The following MTF2 variants were observed in gnomAD, a reference collection of about 807,000 sequenced individuals.
The protein encoded by MTF2 is metal response element binding transcription factor 2.
A neutral mutation model predicts 79.5 loss-of-function variants in MTF2; 11 were observed. The observed-to-expected ratio is 0.14, with a 90% confidence interval of 0.09 to 0.23. The LOEUF (loss-of-function observed/expected upper bound fraction) is 0.23, where lower values mean the gene tolerates loss of function less well. MTF2 is among the 10% of genes least tolerant of loss of function. MTF2 has a pLI of 1.00. For synonymous variants in MTF2, 208 were observed against 232.8 expected, an observed-to-expected ratio of 0.89 and a Z score of 0.97; for missense variants, 486 against 711.2, an observed-to-expected ratio of 0.68 and a Z score of 3.60.
intron 1 of MTF2, among the ~76,000 whole-genome samples, chr1:93,101,534 G>A (rs1256325202): frequency 1.0e-4 from 10 of 97,204 alleles, no homozygotes; most frequent in African/African-American, 3.3e-4. Flanking sequence ...AAAATTTTCT[G>A]TAGGAATGTG....
chr1:93,095,281 TC>T (rs1406733257), intron 1 of MTF2, among the ~76,000 whole-genome samples: 8 of 152,306 alleles, frequency 5.3e-5, no homozygotes, highest in African/African-American at 1.9e-4. Context: ...CCTCAAGTGA[TC>T]CTCACCTGGC....
chr1:93,091,920 T>G lies in MTF2; in HGVS notation c.5+12389T>G, dbSNP rs576906803. ...GAGAAAACTATATATAAAGTATTTC[T>G]TAACATATTAAAATCTCCAAGAAGT... On this transcript the variant is annotated intron_variant, in intron 1 of 14. Transcript: ENST00000370298. Among the ~76,000 whole-genome samples, 35 of 152,322 alleles carry G rather than the reference T, an allele frequency of 2.3e-4. No homozygotes were observed. The East Asian group carries it at 6.2e-3, about 27-fold the overall frequency.
intron 1 of MTF2, among the ~76,000 whole-genome samples, chr1:93,090,138 G>A (rs1020974427): frequency 3.3e-5 from 5 of 152,046 alleles, no homozygotes; most frequent in Admixed American, 1.3e-4. Context: ...CATCACGCCC[G>A]GCTAATTTTT....
intron 1 of MTF2, among the ~76,000 whole-genome samples, chr1:93,100,344 G>A (rs765197720): frequency 5.9e-5 from 9 of 151,876 alleles, no homozygotes; most frequent in South Asian, 2.1e-4. Flanking sequence ...TCACTCTGTC[G>A]CCCAGGCTGG....
intron 11 of MTF2, among the ~76,000 whole-genome samples, chr1:93,133,302 G>T (rs1347129110): frequency 6.6e-6 from 1 of 152,026 alleles, no homozygotes; most frequent in Non-Finnish European, 1.5e-5. Flanking sequence ...GTCATTTTTA[G>T]TAGTAAATCC....
At chr1:93,113,003 A>G (rs533842189) in intron 3 of MTF2, among the ~76,000 whole-genome samples, 2 of 152,242 alleles carry the variant, frequency 1.3e-5, no homozygotes, top group South Asian at 4.1e-4. Context: ...TTTCACAGAG[A>G]GTTCCCAGGC....
chr1:93,116,305 A>G (rs540637564), intron 6 of MTF2, among the ~76,000 whole-genome samples: 3 of 151,770 alleles, frequency 2.0e-5, no homozygotes, highest in South Asian at 2.1e-4. Flanking sequence ...TACAGGCCTG[A>G]GCCATGCTGG....
At chr1:93,114,629 G>A (rs1184468429) in intron 3 of MTF2, 59 bp from the exon 4 acceptor site, 1 of 1,291,194 alleles carries the variant, frequency 7.7e-7, no homozygotes, top group Non-Finnish European at 1.1e-6. Context: ...TCATAAAAGT[G>A]GTTTTGTTTT....
intron 1 of MTF2, among the ~76,000 whole-genome samples, chr1:93,087,751 G>T (rs539468499): frequency 6.6e-6 from 1 of 152,226 alleles, no homozygotes; most frequent in South Asian, 2.1e-4. Context: ...CAAATATCTA[G>T]AATAACTTTG....
At chr1:93,121,716 A>G (rs1656487715) in intron 9 of MTF2, 6 of 947,602 alleles carry the variant, frequency 6.3e-6, no homozygotes, top group Non-Finnish European at 6.3e-6. Context: ...TTATCATACA[A>G]ATTTTTGTTA....
intron 3 of MTF2, among the ~76,000 whole-genome samples, chr1:93,113,211 C>T (rs1026591169): frequency 3.7e-5 from 5 of 135,570 alleles, no homozygotes; most frequent in African/African-American, 1.4e-4. Context: ...GAGATCCTGT[C>T]GCTACAAAAA....
At chr1:93,092,161 CTTA>C (rs1387686911) in intron 1 of MTF2, among the ~76,000 whole-genome samples, 6 of 151,992 alleles carry the variant, frequency 3.9e-5, no homozygotes, top group East Asian at 1.9e-4. Flanking sequence ...CTTAGAGCTC[CTTA>C]TTATTTCATG....
In MTF2 at chr1:93,089,863, G is replaced by C. The variant is rs371891287; in HGVS notation, c.5+10332G>C. ...GCTTGATTTTCCTTTTTTTTTTTTT[G>C]AGACAGAGTCTCACTCTGTCACCGA... On this transcript the variant is annotated intron_variant, in intron 1 of 14. Transcript: ENST00000370298. Among the ~76,000 whole-genome samples, 53 of 72,530 alleles carry C rather than the reference G, an allele frequency of 7.3e-4. 1 individual carries two copies. The South Asian group carries it at 0.023, about 31-fold the overall frequency. 47.6% of individuals were successfully genotyped at this position (72,530 alleles called of 152,430 possible).
At chr1:93,132,200 A>G (rs1351414757) in intron 11 of MTF2, among the ~76,000 whole-genome samples, 3 of 152,228 alleles carry the variant, frequency 2.0e-5, no homozygotes, top group African/African-American at 7.2e-5. Context: ...TGTCATTACA[A>G]AGCCTTGACA....
intron 1 of MTF2, among the ~76,000 whole-genome samples, chr1:93,097,708 G>A (rs1408124783): frequency 1.3e-5 from 2 of 151,990 alleles, no homozygotes; most frequent in East Asian, 1.9e-4. Flanking sequence ...AGCAGTTCTC[G>A]CGCCTCAGCC....
At chr1:93,111,046 G>A (rs1237106906) in intron 3 of MTF2, among the ~76,000 whole-genome samples, 1 of 152,066 alleles carries the variant, frequency 6.6e-6, no homozygotes, top group Non-Finnish European at 1.5e-5. Flanking sequence ...TAATAAGAAT[G>A]GTTTAAAATT....
rs553116163 is a variant in MTF2 at position 93,092,808 on chromosome 1, G to A, written c.5+13277G>A. ...CATTTTAAACTGTTTTCATTTGTGA[G>A]TATATAAAAATTGTTTACATATGAA... On this transcript the variant is annotated intron_variant, in intron 1 of 14. Coordinates refer to ENST00000370298, the MANE Select transcript of MTF2 (RefSeq NM_007358.4). 2.6e-5 allele frequency among the ~76,000 whole-genome samples: 4 copies of A among 152,216 alleles called. No homozygotes were observed. In the South Asian group the frequency reaches 8.3e-4, roughly 32 times the overall value.
intron 9 of MTF2, among the ~76,000 whole-genome samples, chr1:93,122,815 G>C (rs558513777): frequency 9.2e-5 from 14 of 152,118 alleles, no homozygotes; most frequent in African/African-American, 3.4e-4. Flanking sequence ...TTATATTTTT[G>C]TACTGTAATT....
chr1:93,088,116 T>C (rs377636518), intron 1 of MTF2, among the ~76,000 whole-genome samples: 5 of 152,324 alleles, frequency 3.3e-5, no homozygotes, highest in African/African-American at 1.2e-4. Context: ...TTCTCTTATT[T>C]TTTTCTCGTT....
Sources: allele counts gnomAD v4.1 joint callset (sites outside exome capture counted in the v4.1 genomes callset), GRCh38; gene constraint gnomAD v4.1.1; transcripts MANE v1.5; gene names NCBI Gene and HGNC (gene_info 2026-07-23, HGNC 2026-07-21).